FBXL17: variants seen among roughly 807,000 people sequenced by gnomAD.
The protein encoded by FBXL17 is F-box/LRR-repeat protein 17.
A neutral mutation model predicts 66.2 loss-of-function variants in FBXL17; 22 were observed. That is an observed-to-expected ratio of 0.33 (90% confidence interval 0.24 to 0.47). The LOEUF is 0.47. Ranked by LOEUF, FBXL17 falls within the 20% of genes least tolerant of loss-of-function variation. The probability of loss-of-function intolerance (pLI) is 1.00; values close to 1 mark genes in which losing one functional copy is unlikely to be tolerated. For synonymous variants in FBXL17, 474 were observed against 400.5 expected, an observed-to-expected ratio of 1.18 and a Z score of -2.19; for missense variants, 878 against 948.2, an observed-to-expected ratio of 0.93 and a Z score of 0.97.
At chr5:108,214,522 T>C (rs1156369912) in intron 5 of FBXL17, among the ~76,000 whole-genome samples, 1 of 151,884 alleles carries the variant, frequency 6.6e-6, no homozygotes, top group Non-Finnish European at 1.5e-5. Context: ...CACATGCCAC[T>C]GCACCCAGCT....
chr5:108,136,076 T>C (rs943264553), intron 6 of FBXL17, among the ~76,000 whole-genome samples: 1 of 152,112 alleles, frequency 6.6e-6, no homozygotes, highest in Non-Finnish European at 1.5e-5. Context: ...AAGATGACTT[T>C]TGAAGAAAAC....
At chr5:108,262,362 G>A (rs778106973) in intron 4 of FBXL17, among the ~76,000 whole-genome samples, 2 of 152,026 alleles carry the variant, frequency 1.3e-5, no homozygotes, top group Non-Finnish European at 2.9e-5. Flanking sequence ...TTTTTAAAGT[G>A]TTGTAAGTAT....
At chr5:108,198,635 C>A (rs1262066349) in intron 5 of FBXL17, among the ~76,000 whole-genome samples, 2 of 152,084 alleles carry the variant, frequency 1.3e-5, no homozygotes, top group African/African-American at 4.8e-5. Context: ...TCAAGAACTC[C>A]CCAAACACTG....
In FBXL17 at chr5:108,098,953, T is replaced by TA. The variant is rs568958650; in HGVS notation, c.1746-77953dup. 3.2e-4 allele frequency among the ~76,000 whole-genome samples: 49 copies of TA among 152,262 alleles called. No individual in the cohort carries two copies. The South Asian group carries it at 7.5e-3, about 23-fold the overall frequency. ...ATTCTTCAGAGAATATAAGATCAGT[T>TA]ACTTAGGCTCTGAATTGCTATATTC... On this transcript the variant is annotated intron_variant, in intron 6 of 8. Coordinates refer to ENST00000542267, the MANE Select transcript of FBXL17 (RefSeq NM_001163315.3).
intron 4 of FBXL17, among the ~76,000 whole-genome samples, chr5:108,331,318 T>G (rs905858040): frequency 2.0e-5 from 3 of 152,202 alleles, no homozygotes; most frequent in Admixed American, 6.5e-5. Flanking sequence ...ACAGACTTCA[T>G]GTTAAAAATG....
chr5:108,056,570 T>C (rs754198361), intron 6 of FBXL17, among the ~76,000 whole-genome samples: 5 of 152,184 alleles, frequency 3.3e-5, no homozygotes, highest in Admixed American at 6.5e-5. Flanking sequence ...CCCTAATATA[T>C]TGATGCAGAT....
At chr5:108,322,979 G>A (rs1333688554) in intron 4 of FBXL17, among the ~76,000 whole-genome samples, 1 of 151,852 alleles carries the variant, frequency 6.6e-6, no homozygotes, top group Non-Finnish European at 1.5e-5. Flanking sequence ...CTGACAGAAA[G>A]GTCCCACAGC....
Position 108,217,496 on chromosome 5 carries a change from G to A in FBXL17, c.1614+6625C>T, listed in dbSNP as rs550235471. The stretch of plus-strand genomic sequence containing the variant: ...TCAATTTCATCTATCTTATCAAATC[G>A]CTAGCTTTTGGTTTCATTAATTTCC... On this transcript the variant is annotated intron_variant, in intron 5 of 8. Transcript: ENST00000542267. 1.9e-3 allele frequency among the ~76,000 whole-genome samples: 287 copies of A among 151,540 alleles called. 2 individuals are homozygous for A. The highest frequency in any genetic ancestry group is 2.8e-3 in the Admixed American group (43 of 15,238).
intron 7 of FBXL17, among the ~76,000 whole-genome samples, chr5:108,007,236 G>C (rs545751331): frequency 6.6e-6 from 1 of 152,306 alleles, no homozygotes; most frequent in South Asian, 2.1e-4. Context: ...TTCTGTAGTA[G>C]TTGGGAATTG....
At chr5:108,075,899 T>C (rs1013261565) in intron 6 of FBXL17, among the ~76,000 whole-genome samples, 9 of 152,230 alleles carry the variant, frequency 5.9e-5, no homozygotes, top group African/African-American at 2.2e-4. Flanking sequence ...TACATCTATG[T>C]TTACATATTG....
chr5:108,080,319 T>A (rs1407898735), intron 6 of FBXL17, among the ~76,000 whole-genome samples: 2 of 152,222 alleles, frequency 1.3e-5, no homozygotes, highest in Non-Finnish European at 2.9e-5. Flanking sequence ...AGAATTTTCC[T>A]CTGAAATTAA....
At chr5:108,065,469 C>T (rs1238069870) in intron 6 of FBXL17, among the ~76,000 whole-genome samples, 1 of 152,266 alleles carries the variant, frequency 6.6e-6, no homozygotes, top group Non-Finnish European at 1.5e-5. Flanking sequence ...AACTTGGATT[C>T]ACAATCACAA....
At chr5:108,161,107 G>C (rs1289081471) in intron 6 of FBXL17, among the ~76,000 whole-genome samples, 1 of 152,074 alleles carries the variant, frequency 6.6e-6, no homozygotes, top group African/African-American at 2.4e-5. Flanking sequence ...AGCCTGTTAA[G>C]AGAGTCCCGG....
chr5:108,078,862 T>C (rs182929161), intron 6 of FBXL17, among the ~76,000 whole-genome samples: 279 of 152,336 alleles, frequency 1.8e-3, no homozygotes, highest in African/African-American at 6.3e-3. Flanking sequence ...CTGTGTGATG[T>C]TCCCTGTGTC....
chr5:108,283,003 T>C (rs1005355194), intron 4 of FBXL17, among the ~76,000 whole-genome samples: 5 of 151,008 alleles, frequency 3.3e-5, no homozygotes, highest in Non-Finnish European at 7.4e-5. Context: ...AACTGTATTA[T>C]AGATGACAAA....
intron 7 of FBXL17, among the ~76,000 whole-genome samples, chr5:107,957,115 CT>C (rs1386902785): frequency 6.6e-6 from 1 of 152,102 alleles, no homozygotes; most frequent in Non-Finnish European, 1.5e-5. Flanking sequence ...CTGATTATTC[CT>C]TTCTTTCTTT....
chr5:108,279,713 A>C (rs1473237430), intron 4 of FBXL17, among the ~76,000 whole-genome samples: 5 of 152,136 alleles, frequency 3.3e-5, no homozygotes, highest in African/African-American at 4.8e-5. Flanking sequence ...AACAAATACA[A>C]AGAACACAGA....
chr5:108,120,499 T>C (rs1489078479), intron 6 of FBXL17, among the ~76,000 whole-genome samples: 4 of 152,168 alleles, frequency 2.6e-5, no homozygotes, highest in East Asian at 3.9e-4. Context: ...TTGAGAAAAA[T>C]TTAATTGATA....
chr5:107,907,513 C>A (rs938498936), intron 7 of FBXL17, among the ~76,000 whole-genome samples: 3 of 151,834 alleles, frequency 2.0e-5, no homozygotes, highest in Non-Finnish European at 4.4e-5. Context: ...AACCAAGCTA[C>A]AAAATGGGAG....
Sources: allele counts gnomAD v4.1 joint callset (sites outside exome capture counted in the v4.1 genomes callset), GRCh38; gene constraint gnomAD v4.1.1; transcripts MANE v1.5; gene names NCBI Gene and HGNC (gene_info 2026-07-23, HGNC 2026-07-21).